SEC16B: variants seen among roughly 807,000 people sequenced by gnomAD.
The protein encoded by SEC16B is SEC16 homolog B, endoplasmic reticulum export factor.
In SEC16B, 115 loss-of-function variants were observed where a neutral mutation model predicts 141.8. The ratio of observed to expected loss-of-function variants is 0.81; its 90% confidence interval spans 0.70 to 0.95. The LOEUF (loss-of-function observed/expected upper bound fraction) is 0.95, where lower values mean the gene tolerates loss of function less well. Ranked by LOEUF, SEC16B falls within the 40% of genes least tolerant of loss-of-function variation. SEC16B has a pLI of 0.00. For synonymous variants in SEC16B, 493 were observed against 492.5 expected, an observed-to-expected ratio of 1.00 and a Z score of -0.01; for missense variants, 1,291 against 1,312.3, an observed-to-expected ratio of 0.98 and a Z score of 0.25.
rs59457744 is a variant in SEC16B at position 177,943,680 on chromosome 1, T to C, written c.1881+881A>G. Among the ~76,000 whole-genome samples, 632 of 152,354 alleles carry C rather than the reference T, an allele frequency of 4.1e-3. 4 individuals are homozygous for C. Among genetic ancestry groups the C allele is most frequent in the African/African-American group, 0.015 (604 of 41,594 alleles). ...AAAACACAAGGCAGCGTGAGCTCAGTGTCAGTGGGGGGCCCTGGATTCGGC... is the reference window on the plus strand; with the variant it reads ...AAAACACAAGGCAGCGTGAGCTCAGCGTCAGTGGGGGGCCCTGGATTCGGC... On this transcript the variant is annotated intron_variant, in intron 15 of 25. Coordinates refer to ENST00000308284, the MANE Select transcript of SEC16B (RefSeq NM_033127.4).
upstream of SEC16B, among the ~76,000 whole-genome samples, chr1:177,970,466 G>T (rs542186991): frequency 6.6e-6 from 1 of 152,326 alleles, no homozygotes; most frequent in East Asian, 1.9e-4. Context: ...ATGCCCTGCA[G>T]ATCAATATTA....
Position 177,932,550 on chromosome 1 carries a change from T to A in SEC16B, c.2952A>T (p.Gly984=). Residue 984 remains glycine (G), a synonymous_variant, in exon 24 of 26, where the codon GGA becomes GGT. Coordinates refer to ENST00000308284, the MANE Select transcript of SEC16B (RefSeq NM_033127.4). ...SRGRGGGEGR[G]SASSGGAAAG... The stretch of plus-strand genomic sequence containing the variant: ...CAGCTGCTCCCCCGCTGGATGCGGA[T>A]CCTCGGCCTTCACCCCCACCTGGAA... The A allele has an allele frequency of 6.4e-7, 1 of 1,560,838 alleles. No homozygotes were observed. Among genetic ancestry groups the A allele is most frequent in the Non-Finnish European group, 8.7e-7 (1 of 1,153,156 alleles).
rs555791779 is a variant in SEC16B, at chr1:177,978,047, G to A, written c.-59+6159C>T. Reference sequence around the variant, plus strand: ...GTTACTTATATTCTGTTAAAGGTGTGAGAAGCTAAACTATATACAAAGCTC... The same window carrying A: ...GTTACTTATATTCTGTTAAAGGTGTAAGAAGCTAAACTATATACAAAGCTC... On this transcript the variant is annotated intron_variant and NMD_transcript_variant, in intron 1 of 24. Coordinates refer to the SEC16B transcript ENST00000528461. Among the ~76,000 whole-genome samples the A allele has an allele frequency of 5.9e-5, 9 of 152,318 alleles. No homozygotes were observed. The South Asian group carries it at 1.9e-3, about 32-fold the overall frequency.
chr1:177,948,718 A>T, intron 12 of SEC16B: 1 of 1,212,182 alleles, frequency 8.2e-7, no homozygotes, highest in Non-Finnish European at 1.1e-6. Context: ...ACAGGCCCCA[A>T]CTCGAGTCCT....
At chr1:177,934,587 G>C (rs1423759439) in intron 20 of SEC16B, among the ~76,000 whole-genome samples, 1 of 152,180 alleles carries the variant, frequency 6.6e-6, no homozygotes, top group Non-Finnish European at 1.5e-5. Context: ...CAATAGTCCT[G>C]TGAGCTAGGT....
chr1:177,977,824 G>C (rs1282905471), intron 1 of SEC16B, among the ~76,000 whole-genome samples: 2 of 152,142 alleles, frequency 1.3e-5, no homozygotes, highest in Non-Finnish European at 2.9e-5. Context: ...CCATTTGCTA[G>C]CCATGTGCCT....
At chr1:177,948,671 T>C in intron 12 of SEC16B, 5 of 1,267,994 alleles carry the variant, frequency 3.9e-6, no homozygotes, top group Non-Finnish European at 5.1e-6. Context: ...AGGCAGAAAA[T>C]ATCAATAAAG....
rs1652437382 is a variant in SEC16B at position 177,954,365 on chromosome 1, C to T, written c.1377G>A (p.Glu459=). The change falls in exon 11 of 26, where the codon GAG becomes GAA. Residue 459 remains glutamate, a synonymous_variant. Transcript: ENST00000308284. The part of the protein sequence containing the change: ...LYYGRKKEAL[E]WAMKNHLWGH... ...CCCACAAGTGGTTCTTCATGGCCCA[C>T]TCCAAGGCTTCCTGAAAACCAAAAC... 1.9e-6 allele frequency: 3 copies of T among 1,572,382 alleles called. No individual in the cohort carries two copies. Among genetic ancestry groups the T allele is most frequent in the Non-Finnish European group, 1.7e-6 (2 of 1,157,854 alleles).
chr1:177,950,872 G>A (rs1188224731), intron 12 of SEC16B, among the ~76,000 whole-genome samples: 1 of 149,766 alleles, frequency 6.7e-6, no homozygotes, highest in Non-Finnish European at 1.5e-5. Context: ...AAGAAAGGAG[G>A]GAAGGAAGGA....
intron 11 of SEC16B, among the ~76,000 whole-genome samples, chr1:177,952,625 T>C (rs1255305258): frequency 6.6e-6 from 1 of 152,202 alleles, no homozygotes; most frequent in African/African-American, 2.4e-5. Flanking sequence ...GCTTACTCAG[T>C]GAGAGGTATT....
In SEC16B at chr1:177,937,497, CT is replaced by C. The variant is rs1557969198; in HGVS notation, c.2219del (p.Gln740ArgfsTer21). 9.0e-6 allele frequency: 14 copies of C among 1,555,656 alleles called. No individual in the cohort carries two copies. The highest frequency in any genetic ancestry group is 1.2e-5 in the Non-Finnish European group (14 of 1,152,282). The stretch of plus-strand genomic sequence containing the variant: ...AGTAGCCTTGACATCCAGAAAAGTC[CT>C]GGTAGAAAGTGTTTTCTAAGGACGT... The part of the protein sequence containing the change: ...GGTTTENTFY[Q>X]DFSGCQGYSE... On this transcript the variant is annotated frameshift_variant, in exon 19 of 26. Coordinates refer to ENST00000308284, the MANE Select transcript of SEC16B (RefSeq NM_033127.4). LOFTEE classifies it high-confidence loss of function.
Position 177,958,901 on chromosome 1 carries a change from A to G in SEC16B, c.1073T>C (p.Leu358Pro), listed in dbSNP as rs777651200. 2 of 1,613,780 alleles carry G rather than the reference A, an allele frequency of 1.2e-6. No individual in the cohort carries two copies. Among genetic ancestry groups the G allele is most frequent in the Non-Finnish European group, 1.7e-6 (2 of 1,179,764 alleles). ...KAAQSCKSET[L>P]GSRDSALLWQ... ...CAGTAGAGCTGAGTCTCTGCTCCCC[A>G]GTGTCTCAGATTTGCAGCTCTGAGC... Residue 358 changes from leucine to proline, a missense_variant, in exon 9 of 26, where the codon CTG (leucine) becomes CCG (proline). Transcript: ENST00000308284.
chr1:177,944,000 T>A (rs1651479648), intron 15 of SEC16B, among the ~76,000 whole-genome samples: 1 of 152,054 alleles, frequency 6.6e-6, no homozygotes, highest in Admixed American at 6.6e-5. Context: ...GAATGTAAGG[T>A]GACAACAGCA....
At chr1:177,931,525 C>T (rs78330135) in intron 24 of SEC16B, among the ~76,000 whole-genome samples, 2,508 of 152,290 alleles carry the variant, frequency 0.016, 76 homozygotes, top group African/African-American at 0.057. Flanking sequence ...TGTCAGAATT[C>T]ACCACTATAT....
intron 20 of SEC16B, 31 bp downstream of exon 20, chr1:177,936,267 C>T (rs1252884170): frequency 2.5e-6 from 4 of 1,574,216 alleles, no homozygotes; most frequent in Admixed American, 1.8e-5. Flanking sequence ...TTTGAGTGGG[C>T]AGTGGCATCT....
Position 177,939,790 on chromosome 1 carries a change from A to T in SEC16B, c.2128-13T>A. ...CTGCTACCTTTTGCTATTTAAAATA[A>T]AGTAAAATTCCTTTTAAGCAGCACA... On this transcript the variant is annotated splice_polypyrimidine_tract_variant and intron_variant, in intron 17 of 25. Coordinates refer to ENST00000308284, the MANE Select transcript of SEC16B (RefSeq NM_033127.4). The T allele has an allele frequency of 6.4e-7, 1 of 1,552,154 alleles. No homozygotes were observed. Among genetic ancestry groups the T allele is most frequent in the Non-Finnish European group, 8.7e-7 (1 of 1,142,922 alleles).
intron 12 of SEC16B, 104 bp downstream of exon 12, chr1:177,951,810 C>A (rs1302897505): frequency 9.5e-6 from 8 of 845,336 alleles, no homozygotes; most frequent in South Asian, 1.5e-5. Context: ...TTAATATTAT[C>A]ATCACTTTTG....
At position 177,946,432 on chromosome 1, in the gene SEC16B, C is replaced by T. The variant is rs1332380214; in HGVS notation, c.1763G>A (p.Gly588Asp). 6.4e-7 allele frequency: 1 copy of T among 1,568,432 alleles called. No individual in the cohort carries two copies. The highest frequency in any genetic ancestry group is 1.7e-4 in the Middle Eastern group (1 of 5,980). ...CCAGGTCGCATACCTGTGGCTGCTG[C>T]CCAGCAAGACCAGATGGTCTGTCTT... ...TVKTDHLVLL[G>D]SSHSQEFLKF... is the part of the protein sequence containing the mutation. Residue 588 changes from glycine to aspartate, a missense_variant, in exon 14 of 26, where the codon GGC becomes GAC. Gly to Asp is a moderately conservative substitution (Grantham distance 94). Coordinates refer to ENST00000308284, the MANE Select transcript of SEC16B (RefSeq NM_033127.4).
Position 177,964,145 on chromosome 1 carries a change from C to T in SEC16B, c.642+26G>A, listed in dbSNP as rs373302015. 7.2e-4 allele frequency: 1,111 copies of T among 1,547,034 alleles called. 17 individuals carry two copies. The South Asian group carries it at 0.012, about 17-fold the overall frequency. On this transcript the variant is annotated intron_variant, in intron 5 of 25. Transcript: ENST00000308284. ...CAGCTGCGACACATGGCCACAGTCT[C>T]CAGCCCCCACGTCACTTTAGGTTAC... is the stretch of plus-strand genomic sequence containing the variant.
Sources: allele counts gnomAD v4.1 joint callset (sites outside exome capture counted in the v4.1 genomes callset), GRCh38; gene constraint gnomAD v4.1.1; transcripts MANE v1.5; gene names NCBI Gene and HGNC (gene_info 2026-07-23, HGNC 2026-07-21).